The following COL5A3 variants were observed in gnomAD, a reference collection of about 807,000 sequenced individuals.
The protein encoded by COL5A3 is collagen alpha-3(V) chain.
In COL5A3, 172 loss-of-function variants were observed where a neutral mutation model predicts 250.0. The ratio of observed to expected loss-of-function variants is 0.69; its 90% CI spans 0.61 to 0.78. COL5A3 has a LOEUF of 0.78. Among genes scored for constraint, COL5A3 ranks in the 30% least tolerant of loss-of-function variants. The pLI is 0.00. For synonymous variants in COL5A3, 937 were observed against 900.4 expected (o/e 1.04, Z -0.73); for missense variants, 2,340 against 2,334.4 (o/e 1.00, Z -0.05).
intron 61 of COL5A3, 100 bp downstream of exon 61, chr19:9,967,804 A>T (rs1351303602): frequency 4.9e-6 from 6 of 1,221,944 alleles, no homozygotes; most frequent in Non-Finnish European, 4.6e-6. Context: ...CGATTGCATG[A>T]ATAAATAAAT....
chr19:9,982,560 C>G (rs2145098099), intron 31 of COL5A3, among the ~76,000 whole-genome samples: 1 of 152,298 alleles, frequency 6.6e-6, no homozygotes, highest in East Asian at 1.9e-4. Context: ...CTGTTTTCCC[C>G]CACTGTGACA....
At chr19:9,967,509 TCTCACACACTCACATACACACTCA>T (rs1174245320) in intron 61 of COL5A3, 109 bp from the exon 62 acceptor site, 3 of 752,282 alleles carry the variant, frequency 4.0e-6, no homozygotes, top group Admixed American at 3.3e-5. Flanking sequence ...ACACACACAG[TCTCACACACTCACATACACACTCA>T]CTCACACACT....
intron 45 of COL5A3, among the ~76,000 whole-genome samples, chr19:9,976,222 G>C (rs2086920108): frequency 6.6e-6 from 1 of 151,998 alleles, no homozygotes; most frequent in South Asian, 2.1e-4. Flanking sequence ...TTGGATGTTG[G>C]TATTGAGAAG....
At position 9,996,188 on chromosome 19, in the gene COL5A3, C is replaced by G; in HGVS notation, c.1479+18G>C. On this transcript the variant is annotated intron_variant, in intron 14 of 66. Transcript: ENST00000264828. ...ACTAATGCATGCACCGCCCCCTCCACGCAGTCGCCTTACTCACCACAGGGC... is the reference window on the plus strand; with the variant it reads ...ACTAATGCATGCACCGCCCCCTCCAGGCAGTCGCCTTACTCACCACAGGGC... 4 of 1,560,172 alleles carry G rather than the reference C, an allele frequency of 2.6e-6. No homozygotes were observed. The highest frequency in any genetic ancestry group is 3.5e-6 in the Non-Finnish European group (4 of 1,155,266).
intron 27 of COL5A3, among the ~76,000 whole-genome samples, chr19:9,988,614 T>C (rs936624933): frequency 8.6e-5 from 13 of 151,918 alleles, no homozygotes; most frequent in Non-Finnish European, 1.6e-4. Flanking sequence ...GTGGATCACC[T>C]GAGGTCAGGA....
At position 9,996,125 on chromosome 19, in the gene COL5A3, G is replaced by T; in HGVS notation, c.1480-6C>A. 1 of 1,572,504 alleles carries T rather than the reference G, an allele frequency of 6.4e-7. No individual in the cohort carries two copies. Among genetic ancestry groups the T allele is most frequent in the Admixed American group, 1.9e-5 (1 of 51,932 alleles). ...CCTGGATGCCCGGGGAGACCCTTGG[G>T]GGAGGAGAGATGGAGGAGTGTGGGT... On this transcript the variant is annotated splice_region_variant and splice_polypyrimidine_tract_variant and intron_variant, in intron 14 of 66. Transcript: ENST00000264828.
At chr19:10,004,893 TCTCAGACACAC>T (rs2087419449) in intron 4 of COL5A3, among the ~76,000 whole-genome samples, 2 of 152,028 alleles carry the variant, frequency 1.3e-5, no homozygotes, top group Non-Finnish European at 2.9e-5. Context: ...CAGGTCACAG[TCTCAGACACAC>T]GACACCACCA....
Position 10,005,853 on chromosome 19 carries a change from C to A in COL5A3, c.380G>T (p.Gly127Val), listed in dbSNP as rs1178625436. The A allele has an allele frequency of 1.9e-6, 3 of 1,613,558 alleles. No homozygotes were observed. Among genetic ancestry groups the A allele is most frequent in the Non-Finnish European group, 1.7e-6 (2 of 1,179,948 alleles). Residue 127 changes from glycine to valine, a missense_variant, in exon 3 of 67, where the codon GGT (glycine) becomes GTT (valine). Around this residue, in one of 3 missense-constraint regions of COL5A3, gnomAD observed 1,152 missense variants for 1,146.3 expected, o/e 1.00. Transcript: ENST00000264828. ...QLGLALGPALGLLGDPFRPLP... is the reference protein window; with the variant it reads ...QLGLALGPALVLLGDPFRPLP... ...GGGGCGGAAGGGGTCACCTAGGAGA[C>A]CCAGCGCTGGCCCCAGTGCCAGGCC...
intron 45 of COL5A3, 21 bp downstream of exon 45, chr19:9,976,537 T>G: frequency 6.4e-7 from 1 of 1,554,464 alleles, no homozygotes; most frequent in Non-Finnish European, 8.7e-7. Flanking sequence ...AGAGAAGGAC[T>G]GAAAAGATGG....
rs1422796990 is a variant in COL5A3 at position 10,004,066 on chromosome 19, TCA to T, written c.672_673del (p.Cys224Ter). On this transcript the variant is annotated stop_gained and frameshift_variant, in exon 5 of 67. Transcript: ENST00000264828. LOFTEE classifies it high-confidence loss of function. ...CACTGTGGCTGCCGGTGCCAGGTTG[TCA>T]CAGTCGGGGAGGTACCGCTCACAAG... is the stretch of plus-strand genomic sequence containing the variant. 1 of 1,613,936 alleles carries T rather than the reference TCA, an allele frequency of 6.2e-7. No homozygotes were observed. The highest frequency in any genetic ancestry group is 1.7e-5 in the Admixed American group (1 of 60,016).
Position 9,989,482 on chromosome 19 carries a change from G to C in COL5A3, c.2033C>G (p.Ser678Cys). Reference sequence around the variant, plus strand: ...CATGGTTCTCACCAGAGGGCCATCGGATCCTGGGAGGCCTGGAATTCCTGG... The same window carrying C: ...CATGGTTCTCACCAGAGGGCCATCGCATCCTGGGAGGCCTGGAATTCCTGG... ...GNPGIPGLPG[S>C]DGPLGHPGHE... The change falls in exon 25 of 67, where the codon TCC (serine) becomes TGC (cysteine). Residue 678 changes from serine to cysteine, a missense_variant. Physicochemically the swap from Ser to Cys is moderately radical, Grantham distance 112. Transcript: ENST00000264828. 1 of 1,613,342 alleles carries C rather than the reference G, an allele frequency of 6.2e-7. No individual in the cohort carries two copies. The highest frequency in any genetic ancestry group is 8.5e-7 in the Non-Finnish European group (1 of 1,179,584).
chr19:9,974,768 G>A (rs4621093), intron 45 of COL5A3, among the ~76,000 whole-genome samples: 23,329 of 152,026 alleles, frequency 0.15, 1,908 homozygotes, highest in South Asian at 0.31. Flanking sequence ...TCAGAGTTGG[G>A]GTTAAGGATA....
intron 4 of COL5A3, among the ~76,000 whole-genome samples, 187 bp downstream of exon 4, chr19:10,005,371 T>A (rs1038906475): frequency 2.6e-5 from 4 of 151,998 alleles, no homozygotes; most frequent in Non-Finnish European, 5.9e-5. Context: ...AAAATTATTG[T>A]CTTGTGGCTC....
At chr19:9,979,523 C>T in intron 37 of COL5A3, 106 bp from the exon 38 acceptor site, 1 of 1,235,916 alleles carries the variant, frequency 8.1e-7, no homozygotes, top group Admixed American at 1.8e-5. Context: ...GGTCCGGTGG[C>T]TCACGCCTGT....
At chr19:9,985,141 G>A (rs1398603077) in intron 31 of COL5A3, among the ~76,000 whole-genome samples, 2 of 151,666 alleles carry the variant, frequency 1.3e-5, no homozygotes, top group African/African-American at 4.9e-5. Context: ...GGTAGTGACA[G>A]GGTTTTACCA....
At chr19:9,962,971 G>A in intron 64 of COL5A3, 84 bp from the exon 65 acceptor site, 1 of 1,013,228 alleles carries the variant, frequency 9.9e-7, no homozygotes, top group Non-Finnish European at 1.5e-6. Flanking sequence ...TCACACAGTA[G>A]GCTGTTGTGA....
chr19:9,998,232 GCACACACACA>G (rs143525824), intron 8 of COL5A3, 83 bp from the exon 9 acceptor site: 5 of 1,014,798 alleles, frequency 4.9e-6, no homozygotes, highest in Middle Eastern at 2.5e-4. Flanking sequence ...ACACACACTT[GCACACACACA>G]CACACACACA....
At position 9,968,370 on chromosome 19, in the gene COL5A3, G is replaced by T; in HGVS notation, c.4314+15C>A. On this transcript the variant is annotated intron_variant, in intron 59 of 66. Coordinates refer to ENST00000264828, the MANE Select transcript of COL5A3 (RefSeq NM_015719.4). The surrounding 1 kb of genome is among the most constrained non-coding windows in gnomAD (Gnocchi z 4.1). ...CCTTCAAATGCATTCTTCCCGCTCA[G>T]GTCAGGACACTCACAGGGTCTCCCT... 1 of 1,570,580 alleles carries T rather than the reference G, an allele frequency of 6.4e-7. No individual in the cohort carries two copies. Among genetic ancestry groups the T allele is most frequent in the Non-Finnish European group, 8.7e-7 (1 of 1,149,876 alleles).
At chr19:9,962,941 T>A (rs1175728507) in intron 64 of COL5A3, 54 bp from the exon 65 acceptor site, 36 of 1,331,742 alleles carry the variant, frequency 2.7e-5, no homozygotes, top group Non-Finnish European at 3.6e-5. Context: ...GCCATCTAGA[T>A]CTCATCTGCA....
Sources: allele counts gnomAD v4.1 joint callset (sites outside exome capture counted in the v4.1 genomes callset), GRCh38; gene constraint gnomAD v4.1.1; regional missense constraint gnomAD v4.1.1; non-coding constraint Gnocchi (gnomAD v3.1); transcripts MANE v1.5; gene names NCBI Gene and HGNC (gene_info 2026-07-23, HGNC 2026-07-21).